TNFSF11: variants seen among roughly 807,000 people sequenced by gnomAD.
The protein encoded by TNFSF11 is TNF superfamily member 11, also known as tumor necrosis factor ligand superfamily member 11.
In TNFSF11, 12 loss-of-function variants were observed where a neutral mutation model predicts 32.2. The observed-to-expected ratio is 0.37, with a 90% CI of 0.24 to 0.60. TNFSF11 has a LOEUF of 0.60. Among genes scored for constraint, TNFSF11 ranks in the 20% least tolerant of loss-of-function variants. The pLI, the probability that TNFSF11 is intolerant of heterozygous loss-of-function variation, is 0.66. For missense variants in TNFSF11, 345 were observed against 398.0 expected, an observed-to-expected ratio of 0.87 and a Z score of 1.13; for synonymous variants, 172 against 152.1, an observed-to-expected ratio of 1.13 and a Z score of -0.96.
intron 2 of TNFSF11, among the ~76,000 whole-genome samples, chr13:42,590,470 G>T (rs1261083133): frequency 6.6e-6 from 1 of 152,222 alleles, no homozygotes; most frequent in Non-Finnish European, 1.5e-5. Context: ...AAAGCAGCTG[G>T]CCTGGTATCT....
chr13:42,595,824 T>C (rs1260400051), intron 2 of TNFSF11, among the ~76,000 whole-genome samples: 1 of 152,246 alleles, frequency 6.6e-6, no homozygotes, highest in East Asian at 1.9e-4. Context: ...TTTTGTAGTA[T>C]TTTCCCAAAA....
chr13:42,586,335 A>G (rs1415606078), intron 2 of TNFSF11, among the ~76,000 whole-genome samples: 2 of 152,240 alleles, frequency 1.3e-5, no homozygotes, highest in Admixed American at 6.5e-5. Flanking sequence ...TGAACTCTGT[A>G]AACTAATATT....
intron 2 of TNFSF11, among the ~76,000 whole-genome samples, chr13:42,594,122 C>T (rs923635945): frequency 2.0e-5 from 3 of 151,940 alleles, no homozygotes; most frequent in African/African-American, 7.3e-5. Context: ...TTCTGTTGCC[C>T]AGGCTGGAGT....
intron 1 of TNFSF11, among the ~76,000 whole-genome samples, chr13:42,579,704 C>CTTTTTTTTTTTTTTTTTTTT (rs59375842): frequency 1.5e-5 from 1 of 65,492 alleles, no homozygotes. Context: ...TAAGTAAGCC[C>CTTTTTTTTTTTTTTTTTTTT]TTTTTTTTTT....
chr13:42,605,190 T>A (rs1483573329), intron 4 of TNFSF11, among the ~76,000 whole-genome samples: 1 of 152,158 alleles, frequency 6.6e-6, no homozygotes, highest in African/African-American at 2.4e-5. Flanking sequence ...TCTGGGCTAA[T>A]TTATCTCCCT....
intron 2 of TNFSF11, among the ~76,000 whole-genome samples, chr13:42,592,954 C>T (rs978625662): frequency 1.9e-4 from 29 of 152,160 alleles, no homozygotes; most frequent in African/African-American, 5.8e-4. Context: ...CCCAGCCATG[C>T]GGAACCGTAA....
chr13:42,570,597 T>C (rs929138549), upstream of TNFSF11, among the ~76,000 whole-genome samples: 16 of 152,216 alleles, frequency 1.1e-4, no homozygotes, highest in African/African-American at 3.6e-4. Context: ...ATTTTGATAA[T>C]GACTTAATTG....
intron 1 of TNFSF11, among the ~76,000 whole-genome samples, chr13:42,565,409 A>G (rs1412582841): frequency 2.0e-5 from 3 of 152,022 alleles, no homozygotes; most frequent in Non-Finnish European, 2.9e-5. Context: ...TATTTTTTCA[A>G]TGTTACTACA....
chr13:42,569,276 CGGT>C (rs1872971361), upstream of TNFSF11, among the ~76,000 whole-genome samples: 1 of 152,040 alleles, frequency 6.6e-6, no homozygotes, highest in Non-Finnish European at 1.5e-5. Context: ...TAGCTGGGCA[CGGT>C]GGCTCACGCC....
At chr13:42,567,187 T>C (rs1345364006) in intron 2 of TNFSF11, among the ~76,000 whole-genome samples, 1 of 152,124 alleles carries the variant, frequency 6.6e-6, no homozygotes, top group Non-Finnish European at 1.5e-5. Context: ...TTTGATATTA[T>C]TTAATTATGT....
chr13:42,601,286 T>C (rs1869159602), intron 4 of TNFSF11, among the ~76,000 whole-genome samples: 1 of 152,218 alleles, frequency 6.6e-6, no homozygotes, highest in South Asian at 2.1e-4. Flanking sequence ...TCATCTGTAC[T>C]TTCCCAAGCT....
intron 4 of TNFSF11, among the ~76,000 whole-genome samples, 196 bp downstream of exon 4, chr13:42,601,177 T>A (rs1274846858): frequency 3.3e-5 from 5 of 152,220 alleles, no homozygotes; most frequent in African/African-American, 1.2e-4. Context: ...AGAATGGACA[T>A]CATCACCCTA....
In TNFSF11 at chr13:42,600,867, T is replaced by C. The variant is rs1279071018; in HGVS notation, c.434-16T>C. 5.0e-6 allele frequency: 8 copies of C among 1,614,104 alleles called. No homozygotes were observed. The highest frequency in any genetic ancestry group is 5.9e-6 in the Non-Finnish European group (7 of 1,180,010). ...TACTATTTTGGCTATAATAATATGG[T>C]TTCTCTCATCTCCAGCGATGGTGGA... On this transcript the variant is annotated splice_polypyrimidine_tract_variant and intron_variant, in intron 3 of 4. Transcript: ENST00000398795.
At chr13:42,569,464 C>T (rs553574689), upstream of TNFSF11, among the ~76,000 whole-genome samples, 3 of 150,948 alleles carry the variant, frequency 2.0e-5, no homozygotes, top group Admixed American at 6.6e-5. Flanking sequence ...AGGAGAATGG[C>T]GTGAACCCAG....
At chr13:42,570,831 G>C (rs1450435197), upstream of TNFSF11, among the ~76,000 whole-genome samples, 1 of 152,120 alleles carries the variant, frequency 6.6e-6, no homozygotes, top group Non-Finnish European at 1.5e-5. Context: ...CTTTGCCTAA[G>C]AGCTTTCGCT....
intron 4 of TNFSF11, 70 bp downstream of exon 4, chr13:42,601,051 A>AATAGGTTT: frequency 6.4e-7 from 1 of 1,562,198 alleles, no homozygotes; most frequent in Non-Finnish European, 8.8e-7. Context: ...CAATACTGAA[A>AATAGGTTT]CCTATTTTTA....
chr13:42,590,059 C>G (rs1446105325), intron 2 of TNFSF11, among the ~76,000 whole-genome samples: 2 of 152,238 alleles, frequency 1.3e-5, no homozygotes, highest in Non-Finnish European at 2.9e-5. Context: ...ACCACACGGA[C>G]CTGGGGTGAA....
chr13:42,592,465 A>G (rs1360334221), intron 2 of TNFSF11, among the ~76,000 whole-genome samples: 1 of 152,190 alleles, frequency 6.6e-6, no homozygotes, highest in Non-Finnish European at 1.5e-5. Flanking sequence ...ATGGGGATGG[A>G]GAGGGTCGTG....
rs1357663620 is a variant in TNFSF11, at chr13:42,607,649, A to C, written c.*731A>C. On this transcript the variant is annotated 3_prime_UTR_variant, in exon 5 of 5. Transcript: ENST00000398795. ...TCTTTTTAAGTTAATAGATTTTTTCAGACTTGTCAAGCCTGTGCAAAAAAA... is the reference window on the plus strand; with the variant it reads ...TCTTTTTAAGTTAATAGATTTTTTCCGACTTGTCAAGCCTGTGCAAAAAAA... 6.5e-6 allele frequency: 1 copy of C among 152,772 alleles called. No homozygotes were observed. Among genetic ancestry groups the C allele is most frequent in the Non-Finnish European group, 1.5e-5 (1 of 68,038 alleles). The allele number at this position is 152,772 out of a possible 1,614,324, so 9.5% of individuals were successfully genotyped here.
Sources: gnomAD v4.1 joint callset for allele counts (sites outside exome capture counted in the v4.1 genomes callset) on GRCh38, gnomAD v4.1.1 for gene constraint, MANE v1.5 for transcripts, NCBI Gene and HGNC (gene_info 2026-07-23, HGNC 2026-07-21) for gene names.